KANK1: variants seen among roughly 807,000 people sequenced by gnomAD.
KANK1 encodes the protein KN motif and ankyrin repeat domain-containing protein 1.
In KANK1, 109 loss-of-function variants were observed where a neutral mutation model predicts 106.2. The observed-to-expected ratio is 1.03, with a 90% confidence interval of 0.88 to 1.20. The LOEUF is 1.20. Ranked by LOEUF, KANK1 falls within the 50% of genes most tolerant of loss-of-function variation. The pLI is 0.00. For missense variants in KANK1, 2,399 were observed against 1,710.7 expected (o/e 1.40, Z -7.10); for synonymous variants, 873 against 652.2 (o/e 1.34, Z -5.16).
intron 1 of KANK1, among the ~76,000 whole-genome samples, chr9:654,140 A>T (rs1841551165): frequency 6.6e-6 from 1 of 152,178 alleles, no homozygotes; most frequent in African/African-American, 2.4e-5. Flanking sequence ...AAATGACCAC[A>T]TGCAGCAGTT....
In KANK1 at chr9:700,980, A is replaced by T. The variant is rs78715741; in HGVS notation, c.38-9824A>T. ...TATTTCACCCCAGTGCTTTTTGCTC[A>T]TATTAAAGAATGGCTCATTGTGGTA... On this transcript the variant is annotated intron_variant, in intron 2 of 11. Transcript: ENST00000382297. Among the ~76,000 whole-genome samples the T allele has an allele frequency of 4.6e-3, 701 of 152,314 alleles. 6 individuals are homozygous for T. Among genetic ancestry groups the T allele is most frequent in the Middle Eastern group, 0.017 (5 of 294 alleles).
chr9:536,183 A>G (rs1473276876), intron 1 of KANK1, among the ~76,000 whole-genome samples: 2 of 152,102 alleles, frequency 1.3e-5, no homozygotes, highest in East Asian at 1.9e-4. Flanking sequence ...ACTAAAAAAT[A>G]TAAAAAAAAT....
intron 1 of KANK1, among the ~76,000 whole-genome samples, chr9:671,980 A>G (rs1815259539): frequency 6.6e-6 from 1 of 152,170 alleles, no homozygotes; most frequent in East Asian, 1.9e-4. Flanking sequence ...AAATTCCGAG[A>G]TGCAGCTTTC....
At chr9:677,053 T>G in intron 2 of KANK1, 44 bp downstream of exon 2, 2 of 1,560,870 alleles carry the variant, frequency 1.3e-6, no homozygotes, top group Non-Finnish European at 1.8e-6. Context: ...GTATGTCTTT[T>G]CTCAAACTAA....
chr9:485,452 G>A (rs1290185485), intron 3 of KANK1, among the ~76,000 whole-genome samples: 3 of 152,106 alleles, frequency 2.0e-5, no homozygotes, highest in African/African-American at 7.2e-5. Context: ...GCCATTTGTA[G>A]GTACAAGGAA....
intron 3 of KANK1, among the ~76,000 whole-genome samples, chr9:719,167 C>A (rs1828614065): frequency 6.6e-6 from 1 of 152,002 alleles, no homozygotes; most frequent in African/African-American, 2.4e-5. Flanking sequence ...CGGGGTTTAA[C>A]CTTGTTGGCC....
At chr9:610,888 G>A (rs368709676) in intron 1 of KANK1, among the ~76,000 whole-genome samples, 4 of 152,128 alleles carry the variant, frequency 2.6e-5, no homozygotes, top group East Asian at 1.9e-4. Context: ...AGGCCAGTAC[G>A]CAAGAGTGCT....
intron 1 of KANK1, among the ~76,000 whole-genome samples, chr9:559,401 T>TAAAAAAAAAAAAAGGAGGTTA (rs3832615): frequency 1.3e-5 from 2 of 148,870 alleles, no homozygotes; most frequent in Non-Finnish European, 3.0e-5. Context: ...TTGGAGAGGT[T>TAAAAAAAAAAAAAGGAGGTTA]AAAAAAAAAA....
At chr9:580,188 C>T (rs1400505644) in intron 1 of KANK1, among the ~76,000 whole-genome samples, 2 of 151,454 alleles carry the variant, frequency 1.3e-5, no homozygotes, top group East Asian at 3.9e-4. Flanking sequence ...CTTAAGGCGG[C>T]GCGTCTGGAG....
rs769857023 is a variant in KANK1 at position 742,376 on chromosome 9, C to G, written c.3868C>G (p.Pro1290Ala). The change falls in exon 10 of 12, where the codon CCC becomes GCC. Residue 1290 changes from proline to alanine, a missense_variant. By Grantham distance (27) the Pro-to-Ala change is conservative. Transcript: ENST00000382297. ...VEIVKLLLAQ[P>A]GCNGHLEDND... ...GATTGTCAAGCTGCTGCTGGCCCAG[C>G]CCGGCTGCAACGGTCACCTAGAGGA... The G allele has an allele frequency of 8.1e-6, 13 of 1,613,812 alleles. No homozygotes were observed. In the East Asian group the frequency reaches 8.9e-5, roughly 11 times the overall value.
Position 740,769 on chromosome 9 carries a change from CT to C in KANK1, c.3554-5del, listed in dbSNP as rs58169581. On this transcript the variant is annotated intron_variant, in intron 8 of 11. Coordinates refer to ENST00000382297, the MANE Select transcript of KANK1 (RefSeq NM_015158.5). ...TTAGAAGGGGCTGCTTCCTAAGAGACTTTTTTTTTTTTTTTTTTACAGATGT... is the reference window on the plus strand; with the variant it reads ...TTAGAAGGGGCTGCTTCCTAAGAGACTTTTTTTTTTTTTTTTTACAGATGT... 0.1 allele frequency: 148,220 copies of C among 1,419,350 alleles called. No individual in the cohort carries two copies. The highest frequency in any genetic ancestry group is 0.22 in the East Asian group (8,436 of 39,058). 87.9% of individuals were successfully genotyped at this position (1,419,350 alleles called of 1,614,324 possible).
intron 3 of KANK1, among the ~76,000 whole-genome samples, chr9:478,597 TGCTCACTCCTAAA>T (rs2058147616): frequency 6.6e-6 from 1 of 152,222 alleles, no homozygotes; most frequent in African/African-American, 2.4e-5. Flanking sequence ...CACTTTCTCC[TGCTCACTCCTAAA>T]GCTCACTTTC....
chr9:493,996 C>T (rs916578562), intron 3 of KANK1, among the ~76,000 whole-genome samples: 2 of 152,088 alleles, frequency 1.3e-5, no homozygotes, highest in African/African-American at 2.4e-5. Flanking sequence ...GATTCTCCTG[C>T]CTCAGCCTCC....
At chr9:538,882 TTTTA>T (rs890095136) in intron 1 of KANK1, among the ~76,000 whole-genome samples, 135 of 152,282 alleles carry the variant, frequency 8.9e-4, no homozygotes, top group Non-Finnish European at 1.8e-3. Flanking sequence ...AGCTTTTGTT[TTTTA>T]TTTATTTATT....
chr9:715,004 T>C (rs1827298403), intron 3 of KANK1, among the ~76,000 whole-genome samples: 1 of 152,218 alleles, frequency 6.6e-6, no homozygotes, highest in Admixed American at 6.5e-5. Flanking sequence ...GAAATTCCAG[T>C]CTTTCTATTA....
chr9:564,437 C>G (rs1817308732), intron 1 of KANK1, among the ~76,000 whole-genome samples: 1 of 152,148 alleles, frequency 6.6e-6, no homozygotes, highest in African/African-American at 2.4e-5. Flanking sequence ...ACAAAACAAT[C>G]TGAACATGTG....
chr9:519,814 C>G (rs569511986), intron 1 of KANK1, among the ~76,000 whole-genome samples: 2 of 151,776 alleles, frequency 1.3e-5, no homozygotes, highest in African/African-American at 4.9e-5. Flanking sequence ...AAAGGTCAGA[C>G]AAACAAGTCA....
At chr9:522,071 T>A (rs1298295135) in intron 1 of KANK1, among the ~76,000 whole-genome samples, 1 of 151,698 alleles carries the variant, frequency 6.6e-6, no homozygotes, top group Non-Finnish European at 1.5e-5. Context: ...GGGAAAATGT[T>A]TGATTTGTTG....
In KANK1 at chr9:676,569, C is replaced by T. The variant is rs1570475; in HGVS notation, c.-83-321C>T. Among the ~76,000 whole-genome samples the T allele has an allele frequency of 0.49, 74,608 of 152,056 alleles. 19,729 individuals are homozygous for T. Among genetic ancestry groups the T allele is most frequent in the African/African-American group, 0.68 (28,005 of 41,454 alleles). ...ATATGCTTAAAAACCAAAAATATTT[C>T]GTAGAGTGCTACACATTAGGAAGTC... On this transcript the variant is annotated intron_variant, in intron 1 of 11. Transcript: ENST00000382297.
Sources: gnomAD v4.1 joint callset for allele counts (sites outside exome capture counted in the v4.1 genomes callset) on GRCh38, gnomAD v4.1.1 for gene constraint, MANE v1.5 for transcripts, NCBI Gene and HGNC (gene_info 2026-07-23, HGNC 2026-07-21) for gene names.